The following MERTK variants were observed in gnomAD, a reference collection of about 807,000 sequenced individuals.
MERTK encodes the protein tyrosine-protein kinase Mer.
Under a neutral mutation model 99.3 loss-of-function variants are expected in MERTK, and 69 were observed. That is an observed-to-expected ratio of 0.70 (90% CI 0.57 to 0.85). The LOEUF (loss-of-function observed/expected upper bound fraction) is 0.85. MERTK is among the 40% of genes least tolerant of loss of function. MERTK has a pLI of 0.00. For synonymous variants in MERTK, 426 were observed against 467.6 expected, an observed-to-expected ratio of 0.91 and a Z score of 1.15; for missense variants, 1,125 against 1,249.4, an observed-to-expected ratio of 0.90 and a Z score of 1.50.
chr2:111,937,456 C>G (rs1684784762), intron 2 of MERTK, among the ~76,000 whole-genome samples: 1 of 151,986 alleles, frequency 6.6e-6, no homozygotes, highest in Non-Finnish European at 1.5e-5. Flanking sequence ...CAAAACAAAA[C>G]AAAACAAAAG....
At chr2:112,006,854 A>G (rs908598300) in intron 13 of MERTK, among the ~76,000 whole-genome samples, 3 of 152,064 alleles carry the variant, frequency 2.0e-5, no homozygotes, top group African/African-American at 7.3e-5. Flanking sequence ...TCTTTTAATT[A>G]GAAAAATTTT....
intron 1 of MERTK, among the ~76,000 whole-genome samples, chr2:111,921,187 T>C (rs1020240124): frequency 2.6e-5 from 4 of 151,984 alleles, no homozygotes; most frequent in Non-Finnish European, 4.4e-5. Context: ...CGTTTTCTCC[T>C]AGAGAGGGTA....
chr2:111,989,887 G>T (rs371693569), intron 8 of MERTK, among the ~76,000 whole-genome samples: 3 of 152,170 alleles, frequency 2.0e-5, no homozygotes, highest in Non-Finnish European at 4.4e-5. Context: ...TTTATTACCA[G>T]GAAATGCTTT....
Position 111,925,275 on chromosome 2 carries a change from G to GATATATATATAT in MERTK, c.62-3838_62-3827dup, listed in dbSNP as rs201320082. ...CTGGTAAATCAAATTGTACAGATCA[G>GATATATATATAT]ATATATATATATATATATTTTTTTT... On this transcript the variant is annotated intron_variant, in intron 1 of 18. Coordinates refer to ENST00000295408, the MANE Select transcript of MERTK (RefSeq NM_006343.3). Among the ~76,000 whole-genome samples, 235 of 52,138 alleles carry GATATATATATAT rather than the reference G, an allele frequency of 4.5e-3. 18 individuals are homozygous for GATATATATATAT. The highest frequency in any genetic ancestry group is 5.7e-3 in the African/African-American group (60 of 10,492). 34.2% of individuals were successfully genotyped at this position (52,138 alleles called of 152,430 possible).
chr2:111,899,779 G>A (rs1684010598), intron 1 of MERTK, among the ~76,000 whole-genome samples: 1 of 152,100 alleles, frequency 6.6e-6, no homozygotes, highest in Admixed American at 6.5e-5. Context: ...GCCTCCCAAA[G>A]TTCTGGGATT....
chr2:112,010,907 TG>T (rs1476894101), intron 15 of MERTK, among the ~76,000 whole-genome samples: 1 of 152,184 alleles, frequency 6.6e-6, no homozygotes, highest in Non-Finnish European at 1.5e-5. Context: ...GGGTTCTGGT[TG>T]GGACACATGT....
intron 6 of MERTK, among the ~76,000 whole-genome samples, chr2:111,973,004 G>C (rs114292115): frequency 0.016 from 2,459 of 152,224 alleles, 68 homozygotes; most frequent in African/African-American, 0.046. Context: ...GCACTAGCAG[G>C]ACACACCCTC....
chr2:111,998,677 T>C (rs534109381), intron 10 of MERTK, among the ~76,000 whole-genome samples: 1 of 152,254 alleles, frequency 6.6e-6, no homozygotes, highest in East Asian at 1.9e-4. Context: ...AGGTATTCAT[T>C]AGATGAGAGA....
chr2:111,949,771 GTTC>G, intron 4 of MERTK, among the ~76,000 whole-genome samples: 1 of 152,202 alleles, frequency 6.6e-6, no homozygotes, highest in Admixed American at 6.5e-5. Context: ...AGGCAATTCT[GTTC>G]TTATATCTGT....
chr2:112,002,222 A>T (rs945816970), intron 11 of MERTK, among the ~76,000 whole-genome samples: 1 of 151,936 alleles, frequency 6.6e-6, no homozygotes, highest in African/African-American at 2.4e-5. Flanking sequence ...TATATTATAT[A>T]TTTTATTATA....
At chr2:111,993,374 C>T (rs1488673618) in intron 8 of MERTK, among the ~76,000 whole-genome samples, 1 of 152,140 alleles carries the variant, frequency 6.6e-6, no homozygotes, top group Non-Finnish European at 1.5e-5. Context: ...TTACCAATAG[C>T]ACTGCCTTTG....
chr2:111,996,697 A>C, intron 9 of MERTK: 1 of 168,354 alleles, frequency 5.9e-6, no homozygotes, highest in Non-Finnish European at 1.3e-5. Context: ...AAAATGTCCC[A>C]GAGAAAGCGA....
intron 8 of MERTK, among the ~76,000 whole-genome samples, chr2:111,987,257 A>G (rs1676498450): frequency 6.6e-6 from 1 of 152,204 alleles, no homozygotes; most frequent in South Asian, 2.1e-4. Flanking sequence ...TACACAGAAG[A>G]CAGGTTTGTA....
At chr2:112,025,689 C>G (rs1366550789) in intron 18 of MERTK, among the ~76,000 whole-genome samples, 1 of 152,184 alleles carries the variant, frequency 6.6e-6, no homozygotes, top group Non-Finnish European at 1.5e-5. Context: ...AGACTTGCAG[C>G]CTGCACTCAG....
At chr2:111,971,414 G>A (rs1676116739) in intron 6 of MERTK, among the ~76,000 whole-genome samples, 1 of 151,090 alleles carries the variant, frequency 6.6e-6, no homozygotes, top group East Asian at 1.9e-4. Flanking sequence ...GTTATTGATT[G>A]TGTTCTTTTA....
intron 10 of MERTK, among the ~76,000 whole-genome samples, chr2:111,998,220 C>G (rs1294738259): frequency 1.3e-5 from 2 of 152,192 alleles, no homozygotes; most frequent in East Asian, 1.9e-4. Context: ...CCTATTCTTA[C>G]AATTGTTATA....
intron 1 of MERTK, among the ~76,000 whole-genome samples, chr2:111,915,654 G>C (rs932898096): frequency 2.0e-5 from 3 of 152,096 alleles, no homozygotes; most frequent in Non-Finnish European, 4.4e-5. Flanking sequence ...CCAGCACTTT[G>C]GGAGGCTGAA....
intron 18 of MERTK, among the ~76,000 whole-genome samples, chr2:112,023,884 T>TACAC (rs573914265): frequency 6.7e-6 from 1 of 150,204 alleles, no homozygotes; most frequent in East Asian, 2.0e-4. Flanking sequence ...GCACCCTCCC[T>TACAC]ACACACACAC....
chr2:111,965,304 G>C (rs758236553), intron 5 of MERTK, 27 bp downstream of exon 5: 35 of 1,605,646 alleles, frequency 2.2e-5, no homozygotes, highest in East Asian at 2.0e-4. Context: ...GGCTCCCCAT[G>C]CATGTTCTGG....
Sources: allele counts gnomAD v4.1 joint callset (sites outside exome capture counted in the v4.1 genomes callset), GRCh38; gene constraint gnomAD v4.1.1; transcripts MANE v1.5; gene names NCBI Gene and HGNC (gene_info 2026-07-23, HGNC 2026-07-21).